Variants in HSPA12A observed in about 807,000 individuals in gnomAD.
HSPA12A encodes the protein heat shock protein family A (Hsp70) member 12A.
Under a neutral mutation model 69.2 loss-of-function variants are expected in HSPA12A, and 28 were observed. The ratio of observed to expected loss-of-function variants is 0.40; its 90% confidence interval spans 0.30 to 0.55. The LOEUF is 0.55. Among genes scored for constraint, HSPA12A ranks in the 20% least tolerant of loss-of-function variants. The pLI is 0.38. For missense variants in HSPA12A, 686 were observed against 900.7 expected, an observed-to-expected ratio of 0.76 and a Z score of 3.05; for synonymous variants, 345 against 370.5, an observed-to-expected ratio of 0.93 and a Z score of 0.79.
chr10:116,800,736 T>A (rs1305613858), intron 2 of HSPA12A, among the ~76,000 whole-genome samples: 1 of 152,176 alleles, frequency 6.6e-6, no homozygotes, highest in Non-Finnish European at 1.5e-5. Flanking sequence ...AGCCCAGCAG[T>A]AATGTCTGTC....
chr10:116,829,774 T>A (rs1255870357), intron 2 of HSPA12A: 2 of 152,182 alleles, frequency 1.3e-5, no homozygotes, highest in Non-Finnish European at 2.9e-5. Flanking sequence ...AGCAACAGCA[T>A]AACAGAATCC....
Position 116,675,628 on chromosome 10 carries a change from G to T in HSPA12A, c.1391-210C>A, listed in dbSNP as rs1849216874. Among the ~76,000 whole-genome samples the T allele has an allele frequency of 1.3e-5, 2 of 152,230 alleles. No homozygotes were observed. Among genetic ancestry groups the T allele is most frequent in the Admixed American group, 1.3e-4 (2 of 15,282 alleles). On this transcript the variant is annotated intron_variant, in intron 11 of 11. Coordinates refer to ENST00000369209, the MANE Select transcript of HSPA12A (RefSeq NM_025015.3). The surrounding 1 kb of genome is among the most constrained non-coding windows in gnomAD (Gnocchi z 5.2). ...CCAATATGTTCCGGAATAAAAGCCA[G>T]AGCTGCTGCTAAGTAGAAATGCATT...
chr10:116,755,745 A>G (rs1843824491), intron 2 of HSPA12A, among the ~76,000 whole-genome samples: 1 of 151,460 alleles, frequency 6.6e-6, no homozygotes, highest in Non-Finnish European at 1.5e-5. Flanking sequence ...AGACAGGCGA[A>G]TGGCATGAGC....
chr10:116,800,479 C>T (rs1476047364), intron 2 of HSPA12A, among the ~76,000 whole-genome samples: 1 of 152,144 alleles, frequency 6.6e-6, no homozygotes, highest in African/African-American at 2.4e-5. Context: ...CAGCTCTCCC[C>T]GAAACCTGGG....
At chr10:116,849,775 C>T (rs1366370912), upstream of HSPA12A, 5 of 1,467,704 alleles carry the variant, frequency 3.4e-6, no homozygotes, top group East Asian at 5.1e-5. Context: ...AACCCCTCTC[C>T]CCCCGCCCCG....
At chr10:116,818,855 G>A (rs1845356046) in intron 2 of HSPA12A, among the ~76,000 whole-genome samples, 1 of 152,140 alleles carries the variant, frequency 6.6e-6, no homozygotes, top group Admixed American at 6.5e-5. Context: ...AAAATGGTGA[G>A]AGATTTACCC....
At chr10:116,812,799 C>G (rs74463422) in intron 2 of HSPA12A, among the ~76,000 whole-genome samples, 1,524 of 152,198 alleles carry the variant, frequency 0.01, 20 homozygotes, top group African/African-American at 0.032. Context: ...AGGCCAGGGT[C>G]GACGTCAAAG....
chr10:116,684,097 C>T, intron 6 of HSPA12A, 135 bp from the exon 7 acceptor site: 1 of 671,342 alleles, frequency 1.5e-6, no homozygotes, highest in African/African-American at 1.8e-5. Context: ...CTACACAGTC[C>T]TCTGCAGAGC....
intron 2 of HSPA12A, among the ~76,000 whole-genome samples, chr10:116,808,161 G>T (rs1681746): frequency 0.96 from 145,477 of 152,142 alleles, 69,889 homozygotes; most frequent in East Asian, 1. Context: ...GAGGAATATA[G>T]AAGAGTTTGG....
chr10:116,732,023 C>A (rs570297331), intron 1 of HSPA12A, among the ~76,000 whole-genome samples: 3 of 152,134 alleles, frequency 2.0e-5, no homozygotes, highest in East Asian at 3.9e-4. Context: ...GGGTGACATG[C>A]AGAGCAAAGC....
chr10:116,757,041 A>G (rs1554888845), intron 2 of HSPA12A, among the ~76,000 whole-genome samples: 3 of 152,230 alleles, frequency 2.0e-5, no homozygotes, highest in Non-Finnish European at 4.4e-5. Context: ...TTCACGTTAA[A>G]GGCTAGGAAA....
At chr10:116,698,496 G>A in intron 5 of HSPA12A, 139 bp downstream of exon 5, 2 of 597,104 alleles carry the variant, frequency 3.3e-6, no homozygotes, top group South Asian at 2.2e-5. Context: ...TCATCCTGTT[G>A]TGTTGACTCC....
At chr10:116,736,621 G>A (rs2133058493) in intron 1 of HSPA12A, among the ~76,000 whole-genome samples, 1 of 152,302 alleles carries the variant, frequency 6.6e-6, no homozygotes, top group South Asian at 2.1e-4. Context: ...TCAGAGAAGG[G>A]ATGTGGCAAT....
At chr10:116,681,747 C>T in intron 8 of HSPA12A, 44 bp downstream of exon 8, 1 of 1,558,470 alleles carries the variant, frequency 6.4e-7, no homozygotes, top group Non-Finnish European at 8.8e-7. Context: ...TCACGAGCAG[C>T]ACAGGAAAAT....
In HSPA12A at chr10:116,698,350, T is replaced by C. The variant is rs1425250752; in HGVS notation, c.546+285A>G. The C allele has an allele frequency of 1.3e-5, 4 of 306,164 alleles. No individual in the cohort carries two copies. The Admixed American group carries it at 1.4e-4, about 11-fold the overall frequency. 19.0% of individuals were successfully genotyped at this position (306,164 alleles called of 1,614,324 possible). On this transcript the variant is annotated intron_variant, in intron 5 of 11. Coordinates refer to ENST00000369209, the MANE Select transcript of HSPA12A (RefSeq NM_025015.3). Reference sequence around the variant, plus strand: ...TTTCTTCTTTCATTTCTCTTAGGGATTTCTTTCATTTCTCCACCCAGGAGT... The same window carrying C: ...TTTCTTCTTTCATTTCTCTTAGGGACTTCTTTCATTTCTCCACCCAGGAGT...
At chr10:116,740,523 G>T (rs556942083) in intron 1 of HSPA12A, among the ~76,000 whole-genome samples, 13 of 152,306 alleles carry the variant, frequency 8.5e-5, no homozygotes, top group African/African-American at 3.1e-4. Flanking sequence ...TTGAGCTGGA[G>T]ATGACTGGAA....
At chr10:116,760,615 C>A (rs1554889182) in intron 2 of HSPA12A, among the ~76,000 whole-genome samples, 1 of 152,230 alleles carries the variant, frequency 6.6e-6, no homozygotes, top group Middle Eastern at 3.2e-3. Flanking sequence ...TGTACTTGCT[C>A]AATGAATTAT....
intron 1 of HSPA12A, among the ~76,000 whole-genome samples, chr10:116,718,988 G>A (rs1554884103): frequency 6.6e-6 from 1 of 152,136 alleles, no homozygotes. Context: ...TAGAGGCTGA[G>A]TAGCTGTGCC....
In HSPA12A at chr10:116,692,771, GT is replaced by G. The variant is rs545091223; in HGVS notation, c.547-305del. Among the ~76,000 whole-genome samples the G allele has an allele frequency of 1.8e-4, 28 of 152,326 alleles. No individual in the cohort carries two copies. In the South Asian group the frequency reaches 5.6e-3, roughly 30 times the overall value. On this transcript the variant is annotated intron_variant, in intron 5 of 11. Coordinates refer to ENST00000369209, the MANE Select transcript of HSPA12A (RefSeq NM_025015.3). The stretch of plus-strand genomic sequence containing the variant: ...ACAACTGACAACCTCTTAGGCCTCA[GT>G]TTCCATATCTGTGCAGTGGGGATTA...
Sources: allele counts gnomAD v4.1 joint callset (sites outside exome capture counted in the v4.1 genomes callset), GRCh38; gene constraint gnomAD v4.1.1; non-coding constraint Gnocchi (gnomAD v3.1); transcripts MANE v1.5; gene names NCBI Gene and HGNC (gene_info 2026-07-23, HGNC 2026-07-21).